The following CPEB2 variants were observed in gnomAD, a reference collection of about 807,000 sequenced individuals.
CPEB2 encodes the protein cytoplasmic polyadenylation element-binding protein 2.
A neutral mutation model predicts 93.6 loss-of-function variants in CPEB2; 56 were observed. The observed-to-expected ratio is 0.60, with a 90% CI of 0.48 to 0.75. CPEB2 has a LOEUF of 0.75. Among genes scored for constraint, CPEB2 ranks in the 30% least tolerant of loss-of-function variants. The probability of loss-of-function intolerance (pLI) is 0.00; values close to 1 mark genes in which losing one functional copy is unlikely to be tolerated. For synonymous variants in CPEB2, 764 were observed against 586.3 expected (o/e 1.30, Z -4.38); for missense variants, 1,579 against 1,395.1 (o/e 1.13, Z -2.10).
At chr4:15,034,417 G>A (rs1726408746) in intron 5 of CPEB2, among the ~76,000 whole-genome samples, 1 of 152,154 alleles carries the variant, frequency 6.6e-6, no homozygotes, top group East Asian at 1.9e-4. Context: ...AAATAATCTA[G>A]ATGTTAGGTT....
rs1722387303 is a variant in CPEB2, at chr4:15,003,894, G to T, written c.1221G>T (p.Pro407=). The change falls in exon 1 of 12, where the codon CCG becomes CCT. Residue 407 remains proline (P), a synonymous_variant. Transcript: ENST00000538197. ...PPPTQPQQQP[P]PPQQPPQPQP... The stretch of plus-strand genomic sequence containing the variant: ...CGACCCAGCCGCAGCAGCAGCCGCC[G>T]CCACCCCAGCAGCCGCCCCAGCCGC... The T allele has an allele frequency of 2.2e-6, 2 of 892,614 alleles. No individual in the cohort carries two copies. The highest frequency in any genetic ancestry group is 2.9e-6 in the Non-Finnish European group (2 of 681,988). 55.3% of individuals were successfully genotyped at this position (892,614 alleles called of 1,614,324 possible).
chr4:15,004,245 G>C lies in CPEB2; in HGVS notation c.1572G>C (p.Arg524=), dbSNP rs551295632. 239 of 1,494,290 alleles carry C rather than the reference G, an allele frequency of 1.6e-4. No individual in the cohort carries two copies. Among genetic ancestry groups the C allele is most frequent in the African/African-American group, 1.3e-3 (92 of 68,528 alleles). The allele number at this position is 1,494,290 out of a possible 1,614,324, so 92.6% of individuals were successfully genotyped here. A position where few individuals can be genotyped will look rare whatever the true frequency, so the allele number is the denominator to read the frequency against. Residue 524 remains arginine, a synonymous_variant, in exon 1 of 12, where the codon CGG becomes CGC. Transcript: ENST00000538197. The part of the protein sequence containing the change: ...PPAAPQQPQS[R]RSPVSPQLQQ... ...CGGCGCCGCAGCAGCCGCAGAGCCG[G>C]AGGTCGCCCGTCAGCCCGCAGCTCC... is the stretch of plus-strand genomic sequence containing the variant.
At position 15,017,292 on chromosome 4, in the gene CPEB2, T is replaced by A. The variant is rs962109921; in HGVS notation, c.2125+14T>A. On this transcript the variant is annotated intron_variant, in intron 4 of 11. Transcript: ENST00000538197. ...ATCCTCTTAAGGGTAGGTGACTTTTTAAAAAAATATATGTTTATATTATAC... is the reference window on the plus strand; with the variant it reads ...ATCCTCTTAAGGGTAGGTGACTTTTAAAAAAAATATATGTTTATATTATAC... The A allele has an allele frequency of 6.5e-6, 9 of 1,376,622 alleles. No individual in the cohort carries two copies. The highest frequency in any genetic ancestry group is 1.9e-5 in the Admixed American group (1 of 52,464). The allele number at this position is 1,376,622 out of a possible 1,614,324, so 85.3% of individuals were successfully genotyped here.
chr4:15,006,414 C>A (rs1577356471), intron 1 of CPEB2: 1 of 148,438 alleles, frequency 6.7e-6, no homozygotes, highest in East Asian at 2.0e-4. Context: ...GCAATGAATA[C>A]TTCTTAAAAA....
intron 5 of CPEB2, among the ~76,000 whole-genome samples, chr4:15,034,092 T>A (rs919763144): frequency 6.6e-6 from 1 of 152,076 alleles, no homozygotes; most frequent in Non-Finnish European, 1.5e-5. Context: ...CCAGGCCACG[T>A]AGGAGATGGT....
chr4:15,002,936 C>T lies in CPEB2; in HGVS notation c.263C>T (p.Ala88Val). 1 of 1,517,172 alleles carries T rather than the reference C, an allele frequency of 6.6e-7. No homozygotes were observed. Among genetic ancestry groups the T allele is most frequent in the Non-Finnish European group, 8.8e-7 (1 of 1,142,190 alleles). The allele number at this position is 1,517,172 out of a possible 1,614,324, so 94.0% of individuals were successfully genotyped here. A position where few individuals can be genotyped will look rare whatever the true frequency, so the allele number is the denominator to read the frequency against. Reference protein sequence around the residue: ...AAASSSSPFLAHQQTMQDELL... With the variant: ...AAASSSSPFLVHQQTMQDELL... ...GCTTCCTCTTCCTCCCCGTTCCTGGCGCATCAGCAGACCATGCAGGATGAG... is the reference window on the plus strand; with the variant it reads ...GCTTCCTCTTCCTCCCCGTTCCTGGTGCATCAGCAGACCATGCAGGATGAG... Residue 88 changes from alanine to valine, a missense_variant, in exon 1 of 12, where the codon GCG becomes GTG. Ala to Val is a moderately conservative substitution (Grantham distance 64, BLOSUM62 0). This residue lies in a region of CPEB2 where 1,411 missense variants were observed against 1,056.0 expected (regional missense o/e 1.34). Coordinates refer to ENST00000538197, the MANE Select transcript of CPEB2 (RefSeq NM_001177382.2).
At chr4:15,007,745 A>G in intron 2 of CPEB2, 159 bp downstream of exon 2, 1 of 458,032 alleles carries the variant, frequency 2.2e-6, no homozygotes, top group East Asian at 3.4e-5. Flanking sequence ...ATATCTATAC[A>G]GAGAAAATTG....
chr4:15,009,120 G>A (rs1723164068), intron 3 of CPEB2, among the ~76,000 whole-genome samples: 1 of 152,098 alleles, frequency 6.6e-6, no homozygotes, highest in Non-Finnish European at 1.5e-5. Context: ...ATTATTATAG[G>A]TTATAGAAAA....
Position 15,065,210 on chromosome 4 carries a change from T to C in CPEB2, c.2878-943T>C, listed in dbSNP as rs1243849959. Among the ~76,000 whole-genome samples the C allele has an allele frequency of 2.0e-5, 3 of 152,106 alleles. No homozygotes were observed. The South Asian group carries it at 6.2e-4, about 32-fold the overall frequency. ...TATTCATTTTCTGCACTCATGCAAGTATTTCAGTAGAATACATTCAGAATA... is the reference window on the plus strand; with the variant it reads ...TATTCATTTTCTGCACTCATGCAAGCATTTCAGTAGAATACATTCAGAATA... On this transcript the variant is annotated intron_variant, in intron 11 of 11. Coordinates refer to ENST00000538197, the MANE Select transcript of CPEB2 (RefSeq NM_001177382.2).
rs1729874837 is a variant in CPEB2 at position 15,068,627 on chromosome 4, CTT to C, written c.*2249_*2250del. On this transcript the variant is annotated 3_prime_UTR_variant, in exon 12 of 12. Transcript: ENST00000538197. ...ATATTTAATTTCGCAGATTTTTAAA[CTT>C]TATTTTCATAATTTCTGCTTAATGT... is the stretch of plus-strand genomic sequence containing the variant. 1 of 152,218 alleles carries C rather than the reference CTT, an allele frequency of 6.6e-6. No homozygotes were observed. 9.4% of individuals were successfully genotyped at this position (152,218 alleles called of 1,614,324 possible). A position where few individuals can be genotyped will look rare whatever the true frequency, so the allele number is the denominator to read the frequency against.
intron 4 of CPEB2, among the ~76,000 whole-genome samples, chr4:15,027,390 T>C (rs1377175894): frequency 6.8e-6 from 1 of 147,570 alleles, no homozygotes; most frequent in Admixed American, 6.6e-5. Context: ...TCTTCGGATC[T>C]GGTACTTTGG....
chr4:15,055,360 T>C lies in CPEB2; in HGVS notation c.2461+1143T>C, dbSNP rs1368913871. On this transcript the variant is annotated intron_variant, in intron 8 of 11. Coordinates refer to ENST00000538197, the MANE Select transcript of CPEB2 (RefSeq NM_001177382.2). ...TTCATTGGAGGTCACAAAACCTTGGTATAGACAGGAAATTATCTCCACATA... is the reference window on the plus strand; with the variant it reads ...TTCATTGGAGGTCACAAAACCTTGGCATAGACAGGAAATTATCTCCACATA... Among the ~76,000 whole-genome samples the C allele has an allele frequency of 3.3e-5, 5 of 152,314 alleles. No individual in the cohort carries two copies. The South Asian group carries it at 1.0e-3, about 32-fold the overall frequency.
In CPEB2 at chr4:15,003,897, A is replaced by C. The variant is rs963335164; in HGVS notation, c.1224A>C (p.Pro408=). The C allele has an allele frequency of 2.3e-6, 2 of 856,972 alleles. No homozygotes were observed. Among genetic ancestry groups the C allele is most frequent in the Non-Finnish European group, 3.1e-6 (2 of 655,562 alleles). The allele number at this position is 856,972 out of a possible 1,614,324, so 53.1% of individuals were successfully genotyped here. ...CCCAGCCGCAGCAGCAGCCGCCGCC[A>C]CCCCAGCAGCCGCCCCAGCCGCAGC... ...PPTQPQQQPP[P]PQQPPQPQPQ... is the part of the protein sequence containing the mutation. Residue 408 remains proline (P), a synonymous_variant, in exon 1 of 12, where the codon CCA becomes CCC. Coordinates refer to ENST00000538197, the MANE Select transcript of CPEB2 (RefSeq NM_001177382.2).
chr4:15,055,998 C>A (rs1013702102), intron 8 of CPEB2, among the ~76,000 whole-genome samples: 2 of 152,178 alleles, frequency 1.3e-5, no homozygotes, highest in Non-Finnish European at 2.9e-5. Context: ...TCTTTCACTC[C>A]TAGCACTCAT....
rs1198887706 is a variant in CPEB2, at chr4:15,040,495, A to G, written c.2200+8A>G. The G allele has an allele frequency of 1.3e-6, 2 of 1,535,754 alleles. No homozygotes were observed. Among genetic ancestry groups the G allele is most frequent in the Non-Finnish European group, 8.7e-7 (1 of 1,146,456 alleles). Reference sequence around the variant, plus strand: ...GTTATGGGCGAAGACGAGGTAATTCATTTCTGTTTGCTATGGTATAATTGT... The same window carrying G: ...GTTATGGGCGAAGACGAGGTAATTCGTTTCTGTTTGCTATGGTATAATTGT... On this transcript the variant is annotated splice_region_variant and intron_variant, in intron 6 of 11. Coordinates refer to ENST00000538197, the MANE Select transcript of CPEB2 (RefSeq NM_001177382.2).
At chr4:15,018,802 C>T (rs1724462870) in intron 4 of CPEB2, among the ~76,000 whole-genome samples, 1 of 145,374 alleles carries the variant, frequency 6.9e-6, no homozygotes, top group Admixed American at 6.9e-5. Context: ...ACATGTTAGA[C>T]AAAATGTTCA....
chr4:15,050,362 C>A (rs985767952), intron 6 of CPEB2, among the ~76,000 whole-genome samples: 15 of 152,194 alleles, frequency 9.9e-5, no homozygotes, highest in Admixed American at 2.0e-4. Flanking sequence ...AAATTGTTGT[C>A]CACAAAACTG....
chr4:15,058,351 A>C, intron 8 of CPEB2, 70 bp from the exon 9 acceptor site: 1 of 811,322 alleles, frequency 1.2e-6, no homozygotes, highest in Non-Finnish European at 2.0e-6. Flanking sequence ...TGTATTTTCT[A>C]AATAGTACTG....
intron 6 of CPEB2, among the ~76,000 whole-genome samples, chr4:15,045,006 G>T (rs1189565663): frequency 6.6e-6 from 1 of 152,082 alleles, no homozygotes; most frequent in African/African-American, 2.4e-5. Context: ...GCATTTGTAG[G>T]TAGGGTTCTT....
Sources: allele counts gnomAD v4.1 joint callset (sites outside exome capture counted in the v4.1 genomes callset), GRCh38; gene constraint gnomAD v4.1.1; regional missense constraint gnomAD v4.1.1; transcripts MANE v1.5; gene names NCBI Gene and HGNC (gene_info 2026-07-23, HGNC 2026-07-21).